NT5DC3: variants seen among roughly 807,000 people sequenced by gnomAD.
NT5DC3 encodes 5'-nucleotidase domain containing 3, also known as 5'-nucleotidase domain-containing protein 3.
In NT5DC3, 42 loss-of-function variants were observed where a neutral mutation model predicts 67.8. The observed-to-expected ratio is 0.62, with a 90% CI of 0.48 to 0.80. The LOEUF (loss-of-function observed/expected upper bound fraction) is 0.80, where lower values mean the gene tolerates loss of function less well. Among genes scored for constraint, NT5DC3 ranks in the 30% least tolerant of loss-of-function variants. The probability of loss-of-function intolerance (pLI) is 0.00; values close to 1 mark genes in which losing one functional copy is unlikely to be tolerated. For synonymous variants in NT5DC3, 237 were observed against 255.6 expected, an observed-to-expected ratio of 0.93 and a Z score of 0.69; for missense variants, 570 against 696.4, an observed-to-expected ratio of 0.82 and a Z score of 2.04.
the NT5DC3 span, chr12:103,761,495 T>TC: frequency 8.3e-7 from 1 of 1,204,966 alleles, no homozygotes; most frequent in South Asian, 1.3e-5. Flanking sequence ...AGAAGCCCTG[T>TC]CCTCCTCCCT....
chr12:103,750,856 C>A, the NT5DC3 span: 1 of 1,210,900 alleles, frequency 8.3e-7, no homozygotes, highest in Non-Finnish European at 1.1e-6. Context: ...TTTGGGAGGC[C>A]AAGGCAGATG....
downstream of NT5DC3, among the ~76,000 whole-genome samples, chr12:103,771,816 A>G (rs1484733783): frequency 6.6e-6 from 1 of 152,178 alleles, no homozygotes; most frequent in Non-Finnish European, 1.5e-5. Flanking sequence ...AACTCCAGGA[A>G]AGAGAAGCAG....
At chr12:103,831,923 C>T (rs1887949580) in intron 1 of NT5DC3, among the ~76,000 whole-genome samples, 1 of 151,866 alleles carries the variant, frequency 6.6e-6, no homozygotes, top group Non-Finnish European at 1.5e-5. Flanking sequence ...ATTACAGGCT[C>T]ATGCCACCTC....
intron 1 of NT5DC3, among the ~76,000 whole-genome samples, chr12:103,825,952 A>G (rs1887677753): frequency 6.6e-6 from 1 of 152,212 alleles, no homozygotes; most frequent in African/African-American, 2.4e-5. Flanking sequence ...TGAAGTAAAT[A>G]CTACAATCCC....
At chr12:103,761,403 C>T in the NT5DC3 span, 2 of 1,613,386 alleles carry the variant, frequency 1.2e-6, no homozygotes, top group Admixed American at 1.7e-5. Flanking sequence ...GCACCCCCTG[C>T]CCCCGTGGTG....
downstream of NT5DC3, chr12:103,766,649 G>A (rs1229471843): frequency 6.3e-6 from 2 of 316,722 alleles, no homozygotes; most frequent in African/African-American, 4.2e-5. Flanking sequence ...CTCCGTCTTT[G>A]TATCCCAGCC....
intron 1 of NT5DC3, among the ~76,000 whole-genome samples, chr12:103,840,424 C>T (rs202191326): frequency 1.7e-3 from 122 of 72,456 alleles, no homozygotes; most frequent in South Asian, 2.7e-3. Flanking sequence ...TCATCTCATT[C>T]CATCCCATTC....
intron 1 of NT5DC3, chr12:103,822,173 T>A (rs1887516806): frequency 6.7e-6 from 1 of 149,814 alleles, no homozygotes. Flanking sequence ...AAAACATAAC[T>A]TTCCAAATGT....
Position 103,777,396 on chromosome 12 carries a change from C to T in NT5DC3, c.*433G>A, listed in dbSNP as rs1024207221. The T allele has an allele frequency of 6.0e-6, 1 of 167,046 alleles. No homozygotes were observed. The highest frequency in any genetic ancestry group is 2.4e-5 in the African/African-American group (1 of 41,860). The allele number at this position is 167,046 out of a possible 1,614,324, so 10.3% of individuals were successfully genotyped here. A position where few individuals can be genotyped will look rare whatever the true frequency, so the allele number is the denominator to read the frequency against. On this transcript the variant is annotated 3_prime_UTR_variant, in exon 14 of 14. Transcript: ENST00000392876. The stretch of plus-strand genomic sequence containing the variant: ...TTGTGGAGCCCACGAAATCAGCCTT[C>T]TGGAAGCAGCTAATCTTTGCCCATC...
At chr12:103,788,941 A>G (rs765200889) in intron 9 of NT5DC3, 22 bp from the exon 10 acceptor site, 17 of 1,483,640 alleles carry the variant, frequency 1.1e-5, no homozygotes, top group Admixed American at 1.7e-5. Flanking sequence ...AATGGGAAAC[A>G]TTATGACATG....
rs146838693 is a variant in NT5DC3, at chr12:103,777,876, G to C, written c.1600C>G (p.Pro534Ala). Reference protein sequence around the residue: ...QHELPAWSERPPTFGTPLLQE... With the variant: ...QHELPAWSERAPTFGTPLLQE... ...AGGAGAGGGGTTCCGAAGGTGGGGGGCCTTTCTGACCAGGCGGGCAGTTCG... is the reference window on the plus strand; with the variant it reads ...AGGAGAGGGGTTCCGAAGGTGGGGGCCCTTTCTGACCAGGCGGGCAGTTCG... Residue 534 changes from proline to alanine, a missense_variant, in exon 14 of 14, where the codon CCC becomes GCC. Pro to Ala is a conservative substitution (Grantham distance 27, BLOSUM62 -1). Around this residue, in one of 2 missense-constraint regions of NT5DC3, gnomAD observed 466 missense variants for 608.0 expected, o/e 0.77. Coordinates refer to ENST00000392876, the MANE Select transcript of NT5DC3 (RefSeq NM_001031701.3). 2.5e-6 allele frequency: 4 copies of C among 1,614,032 alleles called. No individual in the cohort carries two copies. The highest frequency in any genetic ancestry group is 2.5e-6 in the Non-Finnish European group (3 of 1,180,028).
Position 103,840,948 on chromosome 12 carries a change from C to T in NT5DC3, c.208+1G>A. ...CGGGGCGGGGTCGCCGCCTCACTCACCTTCTGTGCTTCTCTTCGCCTCCCG... is the reference window on the plus strand; with the variant it reads ...CGGGGCGGGGTCGCCGCCTCACTCATCTTCTGTGCTTCTCTTCGCCTCCCG... On this transcript the variant is annotated splice_donor_variant, in intron 1 of 13. Coordinates refer to ENST00000392876, the MANE Select transcript of NT5DC3 (RefSeq NM_001031701.3). LOFTEE classifies it high-confidence loss of function. 7.4e-7 allele frequency: 1 copy of T among 1,359,600 alleles called. No individual in the cohort carries two copies. Among genetic ancestry groups the T allele is most frequent in the South Asian group, 1.8e-5 (1 of 54,864 alleles). 84.2% of individuals were successfully genotyped at this position (1,359,600 alleles called of 1,614,324 possible).
At chr12:103,832,109 T>C (rs1887957357) in intron 1 of NT5DC3, among the ~76,000 whole-genome samples, 1 of 152,002 alleles carries the variant, frequency 6.6e-6, no homozygotes, top group Non-Finnish European at 1.5e-5. Flanking sequence ...TCCTTGAGAT[T>C]TCTCCAGTTT....
intron 1 of NT5DC3, among the ~76,000 whole-genome samples, chr12:103,834,318 C>T (rs768494667): frequency 7.9e-5 from 12 of 152,090 alleles, no homozygotes; most frequent in Non-Finnish European, 1.3e-4. Context: ...TTCACACATC[C>T]AAAAATCCCA....
chr12:103,759,325 T>C, the NT5DC3 span: 1 of 1,600,248 alleles, frequency 6.2e-7, no homozygotes, highest in Non-Finnish European at 8.5e-7. Flanking sequence ...GCATGCAAAG[T>C]TCCTGGCATA....
the NT5DC3 span, chr12:103,763,925 C>T: frequency 9.2e-6 from 2 of 217,858 alleles, no homozygotes; most frequent in Non-Finnish European, 1.8e-5. Context: ...AATTCTGCTG[C>T]AATCATTTAT....
At chr12:103,785,643 C>T (rs1260758395) in intron 11 of NT5DC3, 168 bp from the exon 12 acceptor site, 1 of 763,960 alleles carries the variant, frequency 1.3e-6, no homozygotes, top group Non-Finnish European at 2.2e-6. Flanking sequence ...CCTATTTGGC[C>T]CCAGCCTTTG....
At chr12:103,801,446 G>A (rs1886576802) in intron 4 of NT5DC3, among the ~76,000 whole-genome samples, 2 of 126,968 alleles carry the variant, frequency 1.6e-5, no homozygotes, top group African/African-American at 3.0e-5. Flanking sequence ...GCAGTGTCAC[G>A]ATCTCAGCTC....
At chr12:103,806,997 G>C (rs936651495) in intron 2 of NT5DC3, 68 bp from the exon 3 acceptor site, 13 of 928,032 alleles carry the variant, frequency 1.4e-5, no homozygotes, top group Non-Finnish European at 2.1e-5. Context: ...TCCAGATCTG[G>C]CCCTTGTACA....
Sources: gnomAD v4.1 joint callset for allele counts (sites outside exome capture counted in the v4.1 genomes callset) on GRCh38, gnomAD v4.1.1 for gene constraint, gnomAD v4.1.1 regional missense constraint, MANE v1.5 for transcripts, NCBI Gene and HGNC (gene_info 2026-07-23, HGNC 2026-07-21) for gene names.